LHFPL3: variants seen among roughly 807,000 people sequenced by gnomAD.
LHFPL3 encodes the protein LHFPL tetraspan subfamily member 3 protein.
A neutral mutation model predicts 19.3 loss-of-function variants in LHFPL3; 5 were observed. The observed-to-expected ratio is 0.26, with a 90% CI of 0.14 to 0.54. The LOEUF is 0.54. LHFPL3 is among the 20% of genes least tolerant of loss of function. The pLI is 0.94. For missense variants in LHFPL3, 249 were observed against 307.4 expected (o/e 0.81, Z 1.42); for synonymous variants, 133 against 126.2 (o/e 1.05, Z -0.36).
At chr7:104,730,519 G>A (rs1805743933) in intron 1 of LHFPL3, among the ~76,000 whole-genome samples, 1 of 152,144 alleles carries the variant, frequency 6.6e-6, no homozygotes, top group African/African-American at 2.4e-5. Context: ...TTTTTCATGT[G>A]TCTGGTGGCT....
At chr7:104,651,091 T>A (rs1365500935) in intron 1 of LHFPL3, among the ~76,000 whole-genome samples, 1 of 152,108 alleles carries the variant, frequency 6.6e-6, no homozygotes, top group Non-Finnish European at 1.5e-5. Flanking sequence ...TAATGCTGCA[T>A]GGGGTATGGA....
intron 1 of LHFPL3, among the ~76,000 whole-genome samples, chr7:104,613,987 G>T (rs1017403954): frequency 8.6e-5 from 13 of 152,026 alleles, no homozygotes; most frequent in African/African-American, 2.9e-4. Flanking sequence ...GGGAGATAGG[G>T]GCAGTGTCTT....
intron 2 of LHFPL3, among the ~76,000 whole-genome samples, chr7:104,893,808 C>CAGAG (rs1792299485): frequency 6.6e-6 from 1 of 151,534 alleles, no homozygotes; most frequent in Non-Finnish European, 1.5e-5. Flanking sequence ...AAAAATTAGC[C>CAGAG]AGGCATGGTG....
intron 1 of LHFPL3, among the ~76,000 whole-genome samples, chr7:104,659,832 A>G (rs1192622949): frequency 6.6e-6 from 1 of 152,124 alleles, no homozygotes; most frequent in East Asian, 1.9e-4. Context: ...CACAAATCCT[A>G]TTTCTGAGCC....
At chr7:104,514,521 A>G (rs1793884710) in intron 1 of LHFPL3, among the ~76,000 whole-genome samples, 1 of 152,180 alleles carries the variant, frequency 6.6e-6, no homozygotes, top group African/African-American at 2.4e-5. Flanking sequence ...TGAACCAGCC[A>G]GTCTGTTTAG....
chr7:104,873,721 C>T (rs1354847556), intron 2 of LHFPL3, among the ~76,000 whole-genome samples: 1 of 152,228 alleles, frequency 6.6e-6, no homozygotes, highest in Non-Finnish European at 1.5e-5. Flanking sequence ...CTCCCACACA[C>T]ATTTTCTTTC....
In LHFPL3 at chr7:104,623,203, G is replaced by A. The variant is rs1584445889; in HGVS notation, c.446-113472G>A. 2.0e-5 allele frequency among the ~76,000 whole-genome samples: 3 copies of A among 151,200 alleles called. No individual in the cohort carries two copies. The Middle Eastern group carries it at 0.01, about 518-fold the overall frequency. On this transcript the variant is annotated intron_variant, in intron 1 of 2. Coordinates refer to ENST00000424859, the MANE Select transcript of LHFPL3 (RefSeq NM_199000.3). ...ATTTGCAAGTATCTTCTCCACTCAT[G>A]TGTTTTTGTTTTGTTTTGTTTTGTT...
chr7:104,377,734 T>A (rs1421489833), intron 1 of LHFPL3, among the ~76,000 whole-genome samples: 1 of 152,150 alleles, frequency 6.6e-6, no homozygotes, highest in Non-Finnish European at 1.5e-5. Context: ...CCACCTCAAA[T>A]CATCACAGTA....
chr7:104,353,250 C>T (rs1252695312), intron 1 of LHFPL3, among the ~76,000 whole-genome samples: 1 of 152,076 alleles, frequency 6.6e-6, no homozygotes, highest in Non-Finnish European at 1.5e-5. Context: ...TGGGAAAATT[C>T]ACATATTAAA....
intron 1 of LHFPL3, among the ~76,000 whole-genome samples, chr7:104,497,378 T>C (rs879487127): frequency 6.7e-6 from 1 of 150,126 alleles, no homozygotes; most frequent in Non-Finnish European, 1.5e-5. Context: ...CTTTTGAACA[T>C]TTTAATTTAA....
intron 1 of LHFPL3, among the ~76,000 whole-genome samples, chr7:104,735,402 A>T (rs1267714419): frequency 1.3e-5 from 2 of 152,164 alleles, no homozygotes; most frequent in Non-Finnish European, 2.9e-5. Flanking sequence ...TTACCTACTC[A>T]AGCCTTGGCA....
chr7:104,581,471 A>G (rs1489326230), intron 1 of LHFPL3, among the ~76,000 whole-genome samples: 1 of 151,956 alleles, frequency 6.6e-6, no homozygotes, highest in African/African-American at 2.4e-5. Context: ...TATTATCTTA[A>G]TAGTATAGTT....
chr7:104,418,694 G>A (rs1219423602), intron 1 of LHFPL3, among the ~76,000 whole-genome samples: 1 of 152,186 alleles, frequency 6.6e-6, no homozygotes. Flanking sequence ...AGAGCATAAT[G>A]AGTCCAGAAG....
At chr7:104,506,580 G>C (rs566394573) in intron 1 of LHFPL3, among the ~76,000 whole-genome samples, 62 of 152,318 alleles carry the variant, frequency 4.1e-4, no homozygotes, top group Non-Finnish European at 7.4e-4. Flanking sequence ...TTAGATACAT[G>C]TAATCTCACT....
intron 2 of LHFPL3, among the ~76,000 whole-genome samples, chr7:104,834,997 C>G (rs1490517198): frequency 6.6e-6 from 1 of 151,900 alleles, no homozygotes; most frequent in Non-Finnish European, 1.5e-5. Context: ...ATTCTTTCTT[C>G]CTTGCATTCT....
intron 1 of LHFPL3, among the ~76,000 whole-genome samples, chr7:104,590,563 G>A (rs1790690351): frequency 6.6e-6 from 1 of 152,192 alleles, no homozygotes; most frequent in Non-Finnish European, 1.5e-5. Context: ...TAAGTGTGAT[G>A]TGGTGCTGAG....
At position 104,828,562 on chromosome 7, in the gene LHFPL3, G is replaced by C. The variant is rs1302549649; in HGVS notation, c.683-77625G>C. On this transcript the variant is annotated intron_variant, in intron 2 of 2. Transcript: ENST00000424859. ...ACTTGTACCCAGGAGATACTGGCCTGACAGCCCTTCTTCATTGGGGTGGAG... is the reference window on the plus strand; with the variant it reads ...ACTTGTACCCAGGAGATACTGGCCTCACAGCCCTTCTTCATTGGGGTGGAG... 2.0e-5 allele frequency among the ~76,000 whole-genome samples: 3 copies of C among 151,914 alleles called. No homozygotes were observed. The East Asian group carries it at 5.8e-4, about 29-fold the overall frequency.
chr7:104,439,641 A>G (rs1213208600), intron 1 of LHFPL3, among the ~76,000 whole-genome samples: 1 of 152,148 alleles, frequency 6.6e-6, no homozygotes, highest in Non-Finnish European at 1.5e-5. Flanking sequence ...GTCAATGTTC[A>G]TTCATAATTT....
Position 104,654,918 on chromosome 7 carries a change from T to G in LHFPL3, c.446-81757T>G, listed in dbSNP as rs1054148933. 2.0e-5 allele frequency among the ~76,000 whole-genome samples: 3 copies of G among 152,306 alleles called. No individual in the cohort carries two copies. The East Asian group carries it at 5.8e-4, about 29-fold the overall frequency. On this transcript the variant is annotated intron_variant, in intron 1 of 2. Transcript: ENST00000424859. ...TACACAGAGGTACATGTGTTCATAC[T>G]CGCACTCCCTTATACCAAGTACAAA...
Sources: gnomAD v4.1 joint callset for allele counts (sites outside exome capture counted in the v4.1 genomes callset) on GRCh38, gnomAD v4.1.1 for gene constraint, MANE v1.5 for transcripts, NCBI Gene and HGNC (gene_info 2026-07-23, HGNC 2026-07-21) for gene names.